PINX1: variants seen among roughly 807,000 people sequenced by gnomAD.
The protein encoded by PINX1 is PIN2/TERF1-interacting telomerase inhibitor 1.
PINX1 carries 34 observed loss-of-function variants against 25.4 expected under a neutral mutation model. The ratio of observed to expected loss-of-function variants is 1.34; its 90% CI spans 1.02 to 1.78. The LOEUF (loss-of-function observed/expected upper bound fraction) is 1.78. PINX1 is among the 40% of genes most tolerant of loss of function. The pLI is 0.00. For synonymous variants in PINX1, 197 were observed against 147.7 expected, an observed-to-expected ratio of 1.33 and a Z score of -2.42; for missense variants, 592 against 404.9, an observed-to-expected ratio of 1.46 and a Z score of -3.97.
intron 4 of PINX1, among the ~76,000 whole-genome samples, chr8:10,830,413 T>TGTGTCTTAC: frequency 6.6e-6 from 1 of 152,304 alleles, no homozygotes; most frequent in Middle Eastern, 3.4e-3. Flanking sequence ...TTCTGCTAGC[T>TGTGTCTTAC]ACCTCCAAGC....
At chr8:10,824,040 T>C (rs1467033894) in intron 5 of PINX1, among the ~76,000 whole-genome samples, 1 of 152,218 alleles carries the variant, frequency 6.6e-6, no homozygotes, top group Admixed American at 6.5e-5. Context: ...ACAGTCGTTA[T>C]CAGCATACCC....
At chr8:10,837,107 G>C (rs577358601) in intron 1 of PINX1, among the ~76,000 whole-genome samples, 97 of 152,340 alleles carry the variant, frequency 6.4e-4, no homozygotes, top group African/African-American at 1.9e-3. Context: ...CGCAGAACTG[G>C]TAAGAGTGGC....
chr8:10,777,616 G>C (rs993817388), intron 6 of PINX1, among the ~76,000 whole-genome samples: 5 of 152,192 alleles, frequency 3.3e-5, no homozygotes, highest in African/African-American at 1.2e-4. Context: ...GAAAAGGAAA[G>C]AGAAGAGGTT....
chr8:10,818,058 T>C (rs111557836), intron 6 of PINX1, among the ~76,000 whole-genome samples: 8 of 152,314 alleles, frequency 5.3e-5, no homozygotes, highest in African/African-American at 1.9e-4. Flanking sequence ...CATTAGGCAA[T>C]GCCAGGACGA....
At chr8:10,793,254 T>C (rs1184605300) in intron 6 of PINX1, among the ~76,000 whole-genome samples, 2 of 152,198 alleles carry the variant, frequency 1.3e-5, no homozygotes, top group African/African-American at 4.8e-5. Context: ...TAATGCTCAA[T>C]TAACTGGTCT....
chr8:10,765,454 C>T lies in PINX1; in HGVS notation c.934G>A (p.Ala312Thr), dbSNP rs372632631. 22 of 1,612,424 alleles carry T rather than the reference C, an allele frequency of 1.4e-5. No homozygotes were observed. Among genetic ancestry groups the T allele is most frequent in the South Asian group, 6.6e-5 (6 of 91,046 alleles). The change falls in exon 7 of 7, where the codon GCT (alanine) becomes ACT (threonine). Residue 312 changes from alanine to threonine, a missense_variant. Ala to Thr is a moderately conservative substitution (Grantham distance 58). Coordinates refer to ENST00000314787, the MANE Select transcript of PINX1 (RefSeq NM_017884.6). ...LQKPVEIAED[A>T]TLEETLVKKK... ...TTCACTAGCGTTTCTTCTAGTGTAG[C>T]GTCCTCTGCTATCTCTACTGGTTTT...
chr8:10,809,943 C>G (rs1030184434), intron 6 of PINX1, among the ~76,000 whole-genome samples: 1 of 152,128 alleles, frequency 6.6e-6, no homozygotes, highest in Non-Finnish European at 1.5e-5. Context: ...GGAGGTGTGC[C>G]GATGGCATCT....
At chr8:10,820,837 T>C (rs1186024390) in intron 5 of PINX1, among the ~76,000 whole-genome samples, 1 of 152,162 alleles carries the variant, frequency 6.6e-6, no homozygotes, top group Admixed American at 6.5e-5. Flanking sequence ...GGTGACAGGG[T>C]TTCAGATTTT....
intron 6 of PINX1, among the ~76,000 whole-genome samples, chr8:10,807,338 C>CG (rs1802486048): frequency 9.4e-6 from 1 of 106,794 alleles, no homozygotes; most frequent in Non-Finnish European, 1.8e-5. Context: ...CCCCCCCCCC[C>CG]ACCAAAGTAG....
At chr8:10,784,850 G>C (rs968675425) in intron 6 of PINX1, among the ~76,000 whole-genome samples, 1 of 152,168 alleles carries the variant, frequency 6.6e-6, no homozygotes, top group African/African-American at 2.4e-5. Context: ...AGATAAACTT[G>C]TCAAAGAACA....
intron 6 of PINX1, among the ~76,000 whole-genome samples, chr8:10,780,629 T>A (rs1443664987): frequency 2.0e-5 from 3 of 149,126 alleles, no homozygotes; most frequent in South Asian, 2.1e-4. Context: ...AAAAAAAAAA[T>A]CAAAATACTT....
intron 6 of PINX1, among the ~76,000 whole-genome samples, chr8:10,791,369 GCAAATGCTCAGTA>G (rs1801917331): frequency 6.6e-6 from 1 of 152,084 alleles, no homozygotes. Context: ...AGCACACATC[GCAAATGCTCAGTA>G]CACAGCATCC....
At chr8:10,796,852 A>G (rs1802099280) in intron 6 of PINX1, among the ~76,000 whole-genome samples, 1 of 152,092 alleles carries the variant, frequency 6.6e-6, no homozygotes, top group Non-Finnish European at 1.5e-5. Context: ...AAATATCTAC[A>G]TGTTTAATCT....
In PINX1 at chr8:10,832,878, A is replaced by AAGTGTGTGC; in HGVS notation, c.222+13_222+14insGCACACACT. 6.5e-7 allele frequency: 1 copy of AAGTGTGTGC among 1,538,838 alleles called. No homozygotes were observed. Among genetic ancestry groups the AAGTGTGTGC allele is most frequent in the Non-Finnish European group, 9.0e-7 (1 of 1,114,078 alleles). On this transcript the variant is annotated intron_variant, in intron 3 of 6. Transcript: ENST00000314787. ...TTATGCAAAGACACCCAGGAGGCAC[A>AAGTGTGTGC]CACTGCTGCTCACTTCATTATTGAT...
intron 6 of PINX1, among the ~76,000 whole-genome samples, chr8:10,791,342 C>T (rs533973952): frequency 3.9e-5 from 6 of 152,338 alleles, no homozygotes; most frequent in African/African-American, 9.6e-5. Flanking sequence ...TAGTGACTCC[C>T]GTCCCTCCTC....
intron 6 of PINX1, among the ~76,000 whole-genome samples, chr8:10,815,099 C>T (rs1797659177): frequency 6.6e-6 from 1 of 152,132 alleles, no homozygotes; most frequent in Non-Finnish European, 1.5e-5. Context: ...TGCCACTGAG[C>T]CTGGCTAATT....
intron 6 of PINX1, among the ~76,000 whole-genome samples, chr8:10,806,350 C>T (rs1314402649): frequency 6.6e-6 from 1 of 152,154 alleles, no homozygotes; most frequent in Non-Finnish European, 1.5e-5. Context: ...ACACCACGGC[C>T]GTACTTAAAT....
In PINX1 at chr8:10,839,807, C is replaced by T; in HGVS notation, c.-51G>A. ...CTCTGGACCTGGGTGACTGCGGCCA[C>T]TGGGCGGGCTGGAGACTCCAGGAGA... is the stretch of plus-strand genomic sequence containing the variant. On this transcript the variant is annotated 5_prime_UTR_variant, in exon 1 of 7. In the 5' UTR this introduces an upstream ATG that the reference lacks. Coordinates refer to ENST00000314787, the MANE Select transcript of PINX1 (RefSeq NM_017884.6). 1 of 1,568,050 alleles carries T rather than the reference C, an allele frequency of 6.4e-7. No individual in the cohort carries two copies. Among genetic ancestry groups the T allele is most frequent in the Non-Finnish European group, 8.7e-7 (1 of 1,151,380 alleles).
At chr8:10,770,334 G>A (rs7826180) in intron 6 of PINX1, among the ~76,000 whole-genome samples, 35,461 of 152,206 alleles carry the variant, frequency 0.23, 4,232 homozygotes, top group East Asian at 0.33. Context: ...TGGCAATTCC[G>A]AATTATCACT....
Sources: allele counts gnomAD v4.1 joint callset (sites outside exome capture counted in the v4.1 genomes callset), GRCh38; gene constraint gnomAD v4.1.1; transcripts MANE v1.5; gene names NCBI Gene and HGNC (gene_info 2026-07-23, HGNC 2026-07-21).